Variants in JMY observed in about 807,000 individuals in gnomAD.
JMY encodes the protein junction-mediating and -regulatory protein.
Under a neutral mutation model 103.3 loss-of-function variants are expected in JMY, and 46 were observed. That is an observed-to-expected ratio of 0.45 (90% CI 0.35 to 0.57). The LOEUF is 0.57. Ranked by LOEUF, JMY falls within the 20% of genes least tolerant of loss-of-function variation. The pLI is 0.00. For synonymous variants in JMY, 526 were observed against 489.3 expected, an observed-to-expected ratio of 1.07 and a Z score of -0.99; for missense variants, 1,238 against 1,255.2, an observed-to-expected ratio of 0.99 and a Z score of 0.21.
intron 10 of JMY, among the ~76,000 whole-genome samples, chr5:79,318,175 TTTTTTTTTTTTGTA>T (rs1747302253): frequency 3.4e-5 from 1 of 29,460 alleles, no homozygotes; most frequent in Non-Finnish European, 9.3e-5. Context: ...CTCTTTTTTC[TTTTTTTTTTTTGTA>T]TTTTTAGTAG....
chr5:79,276,537 T>C (rs766533361), intron 1 of JMY, among the ~76,000 whole-genome samples: 5 of 152,176 alleles, frequency 3.3e-5, no homozygotes, highest in Admixed American at 6.5e-5. Flanking sequence ...TCAATTCTCA[T>C]GCCTCAGCCT....
chr5:79,290,941 C>T (rs928322505), intron 3 of JMY, among the ~76,000 whole-genome samples, 189 bp from the exon 4 acceptor site: 4 of 152,020 alleles, frequency 2.6e-5, no homozygotes, highest in African/African-American at 7.3e-5. Flanking sequence ...GCTGAAATCG[C>T]GCCACTGCAC....
chr5:79,297,089 C>A (rs1358737224), intron 4 of JMY, among the ~76,000 whole-genome samples: 1 of 151,966 alleles, frequency 6.6e-6, no homozygotes, highest in African/African-American at 2.4e-5. Flanking sequence ...CTAATTTTTT[C>A]TAGTGGAAAG....
At chr5:79,293,629 G>C (rs1056811713) in intron 4 of JMY, among the ~76,000 whole-genome samples, 12 of 152,082 alleles carry the variant, frequency 7.9e-5, no homozygotes, top group African/African-American at 2.9e-4. Context: ...TGACAACCCT[G>C]TACTCAGAGT....
intron 1 of JMY, among the ~76,000 whole-genome samples, chr5:79,259,851 G>C (rs1309695262): frequency 6.6e-6 from 1 of 152,240 alleles, no homozygotes; most frequent in African/African-American, 2.4e-5. Context: ...GGAGAGTGCA[G>C]AGATGCCTGG....
At chr5:79,246,448 G>A (rs145205828) in intron 1 of JMY, among the ~76,000 whole-genome samples, 2 of 152,324 alleles carry the variant, frequency 1.3e-5, no homozygotes, top group African/African-American at 4.8e-5. Flanking sequence ...AGATTAGACA[G>A]TAAGAGGTAG....
intron 2 of JMY, among the ~76,000 whole-genome samples, chr5:79,283,877 G>C (rs1746192553): frequency 6.6e-6 from 1 of 152,140 alleles, no homozygotes; most frequent in African/African-American, 2.4e-5. Context: ...TTCTGGGTCT[G>C]AGTTTTTCTG....
At chr5:79,284,042 A>G (rs1226186377) in intron 2 of JMY, 4 of 664,456 alleles carry the variant, frequency 6.0e-6, no homozygotes, top group Non-Finnish European at 8.7e-6. Context: ...AGCAAGGTAC[A>G]AATTACTTTC....
chr5:79,302,286 CA>C (rs1420620534), intron 6 of JMY, among the ~76,000 whole-genome samples: 3 of 152,114 alleles, frequency 2.0e-5, no homozygotes, highest in African/African-American at 7.2e-5. Context: ...AAATGCTATG[CA>C]ATTCAGACTT....
chr5:79,271,391 A>G (rs1745779584), intron 1 of JMY, among the ~76,000 whole-genome samples: 1 of 152,156 alleles, frequency 6.6e-6, no homozygotes, highest in Admixed American at 6.6e-5. Context: ...ACCTGGCCTC[A>G]CAAAACGAGT....
intron 4 of JMY, among the ~76,000 whole-genome samples, chr5:79,299,818 A>G (rs1199238090): frequency 6.6e-6 from 1 of 152,196 alleles, no homozygotes; most frequent in African/African-American, 2.4e-5. Context: ...GAAAAGAACA[A>G]CTACATAACT....
At position 79,267,971 on chromosome 5, in the gene JMY, C is replaced by T. The variant is rs141900892; in HGVS notation, c.1033-9939C>T. On this transcript the variant is annotated intron_variant, in intron 1 of 10. Coordinates refer to ENST00000396137, the MANE Select transcript of JMY (RefSeq NM_152405.5). ...TAAGAAACTGTCAGAGTGGGCTGGA[C>T]ATAGTGGCCCATGCCTGTAATGCAA... Among the ~76,000 whole-genome samples, 890 of 152,290 alleles carry T rather than the reference C, an allele frequency of 5.8e-3. 8 individuals are homozygous for T. Among genetic ancestry groups the T allele is most frequent in the African/African-American group, 0.02 (849 of 41,556 alleles).
chr5:79,265,071 G>A (rs1264028654), intron 1 of JMY, among the ~76,000 whole-genome samples: 4 of 151,912 alleles, frequency 2.6e-5, no homozygotes, highest in African/African-American at 4.8e-5. Flanking sequence ...GACTACAGGC[G>A]CCCGCCACCA....
In JMY at chr5:79,323,938, G is replaced by GA. The variant is rs1747546001; in HGVS notation, c.*2338dup. 6.6e-6 allele frequency: 1 copy of GA among 152,150 alleles called. No individual in the cohort carries two copies. The highest frequency in any genetic ancestry group is 2.1e-4 in the South Asian group (1 of 4,830). 9.4% of individuals were successfully genotyped at this position (152,150 alleles called of 1,614,324 possible). A position where few individuals can be genotyped will look rare whatever the true frequency, so the allele number is the denominator to read the frequency against. ...TGAGAGTCACCTCACACTTGGAAAA[G>GA]AAGGAGGTTAAAGCAGAGTATTGTT... is the stretch of plus-strand genomic sequence containing the variant. On this transcript the variant is annotated 3_prime_UTR_variant, in exon 11 of 11. Coordinates refer to ENST00000396137, the MANE Select transcript of JMY (RefSeq NM_152405.5).
chr5:79,263,179 A>C (rs1380777952), intron 1 of JMY, among the ~76,000 whole-genome samples: 3 of 152,134 alleles, frequency 2.0e-5, no homozygotes, highest in African/African-American at 7.2e-5. Context: ...TATCTCGAAG[A>C]AAGTGTTAGT....
At chr5:79,279,104 C>T (rs990605961) in intron 2 of JMY, among the ~76,000 whole-genome samples, 2 of 152,080 alleles carry the variant, frequency 1.3e-5, no homozygotes, top group African/African-American at 4.8e-5. Flanking sequence ...GAGGCTGAGG[C>T]AGGTGGATCA....
At chr5:79,250,695 T>G (rs1255541561) in intron 1 of JMY, among the ~76,000 whole-genome samples, 2 of 149,056 alleles carry the variant, frequency 1.3e-5, no homozygotes, top group Non-Finnish European at 3.0e-5. Flanking sequence ...GCTATCCAGG[T>G]GCTTTTAACA....
intron 1 of JMY, among the ~76,000 whole-genome samples, chr5:79,251,830 A>C (rs1211232486): frequency 6.6e-6 from 1 of 152,034 alleles, no homozygotes; most frequent in African/African-American, 2.4e-5. Flanking sequence ...GCTGGAGTGC[A>C]ATGGCAAGAT....
intron 6 of JMY, among the ~76,000 whole-genome samples, chr5:79,304,293 A>T (rs1746820353): frequency 6.6e-6 from 1 of 152,200 alleles, no homozygotes; most frequent in Admixed American, 6.5e-5. Context: ...GCTACTGAGA[A>T]GATCAAATAT....
Sources: allele counts gnomAD v4.1 joint callset (sites outside exome capture counted in the v4.1 genomes callset), GRCh38; gene constraint gnomAD v4.1.1; transcripts MANE v1.5; gene names NCBI Gene and HGNC (gene_info 2026-07-23, HGNC 2026-07-21).